Variants in DCAF6 observed in about 807,000 individuals in gnomAD.
The protein encoded by DCAF6 is DDB1- and CUL4-associated factor 6.
DCAF6 carries 54 observed loss-of-function variants against 125.1 expected under a neutral mutation model. The observed-to-expected ratio is 0.43, with a 90% CI of 0.35 to 0.54. The LOEUF is 0.54. Ranked by LOEUF, DCAF6 falls within the 20% of genes least tolerant of loss-of-function variation. The pLI, the probability that DCAF6 is intolerant of heterozygous loss-of-function variation, is 0.01. For missense variants in DCAF6, 934 were observed against 1,161.7 expected (o/e 0.80, Z 2.85); for synonymous variants, 371 against 390.4 (o/e 0.95, Z 0.58).
At chr1:168,058,848 G>A (rs1253261182) in intron 17 of DCAF6, among the ~76,000 whole-genome samples, 1 of 152,142 alleles carries the variant, frequency 6.6e-6, no homozygotes, top group Non-Finnish European at 1.5e-5. Context: ...GGAATTACAG[G>A]CATGAGCCAC....
the DCAF6 span, among the ~76,000 whole-genome samples, chr1:167,890,954 T>C: frequency 6.6e-6 from 1 of 152,048 alleles, no homozygotes; most frequent in South Asian, 2.1e-4. Flanking sequence ...CATTTATTTA[T>C]TTATTTAGTT....
At chr1:168,033,021 T>C (rs1687300392) in intron 12 of DCAF6, among the ~76,000 whole-genome samples, 1 of 151,896 alleles carries the variant, frequency 6.6e-6, no homozygotes, top group Non-Finnish European at 1.5e-5. Context: ...TTTTTTTTTT[T>C]ACTATGGTTA....
intron 2 of DCAF6, among the ~76,000 whole-genome samples, chr1:167,955,347 G>A (rs1207732108): frequency 6.6e-6 from 1 of 152,088 alleles, no homozygotes; most frequent in African/African-American, 2.4e-5. Context: ...TAAGAAACCA[G>A]TTGTTTTCCA....
At chr1:167,904,098 T>A in the DCAF6 span, 1 of 698,816 alleles carries the variant, frequency 1.4e-6, no homozygotes, top group South Asian at 1.7e-5. Flanking sequence ...TTTTTTTTTT[T>A]TTTTTTTGAG....
chr1:168,012,208 C>G (rs1188879753), intron 10 of DCAF6, among the ~76,000 whole-genome samples: 1 of 152,146 alleles, frequency 6.6e-6, no homozygotes, highest in Non-Finnish European at 1.5e-5. Context: ...GATCCAGAGT[C>G]CAGGACAAAA....
chr1:167,938,740 A>G (rs1300863231), intron 1 of DCAF6, among the ~76,000 whole-genome samples: 4 of 152,210 alleles, frequency 2.6e-5, no homozygotes, highest in Non-Finnish European at 4.4e-5. Flanking sequence ...GTACTTGTAT[A>G]TAGTTCTATA....
At position 168,069,226 on chromosome 1, in the gene DCAF6, T is replaced by C. The variant is rs554872540; in HGVS notation, c.2791+763T>C. Among the ~76,000 whole-genome samples, 26 of 152,338 alleles carry C rather than the reference T, an allele frequency of 1.7e-4. No homozygotes were observed. The South Asian group carries it at 5.4e-3, about 32-fold the overall frequency. On this transcript the variant is annotated intron_variant, in intron 21 of 21. Coordinates refer to ENST00000367840, the MANE Select transcript of DCAF6 (RefSeq NM_001198956.2). ...ACTGATAAATATTAAAGCCAGAATT[T>C]GAAATTAGCTTCCAAGCCCTTACTC...
chr1:168,065,151 T>A (rs902035592), intron 18 of DCAF6, among the ~76,000 whole-genome samples: 1 of 152,218 alleles, frequency 6.6e-6, no homozygotes, highest in Admixed American at 6.5e-5. Flanking sequence ...AGTTAATAAT[T>A]AAGCACCTAT....
At chr1:167,965,892 C>T (rs1445154111) in intron 2 of DCAF6, among the ~76,000 whole-genome samples, 1 of 152,188 alleles carries the variant, frequency 6.6e-6, no homozygotes, top group Non-Finnish European at 1.5e-5. Flanking sequence ...GCTTTGGCCT[C>T]CCAAAGTGCT....
chr1:167,911,969 A>G, the DCAF6 span, among the ~76,000 whole-genome samples: 1 of 152,244 alleles, frequency 6.6e-6, no homozygotes. Context: ...ATAGGTTTAA[A>G]AGGCAGGGAG....
At chr1:167,986,884 A>G (rs568814582) in intron 4 of DCAF6, among the ~76,000 whole-genome samples, 1 of 152,240 alleles carries the variant, frequency 6.6e-6, no homozygotes, top group African/African-American at 2.4e-5. Context: ...AGAAGTGGAT[A>G]CAGGCATATC....
upstream of DCAF6, among the ~76,000 whole-genome samples, chr1:167,934,786 T>C (rs1261860010): frequency 2.6e-5 from 4 of 152,218 alleles, no homozygotes; most frequent in African/African-American, 9.6e-5. Flanking sequence ...CATTTTCTAG[T>C]TTGCCAAGTC....
At chr1:167,925,456 T>TATAA in the DCAF6 span, among the ~76,000 whole-genome samples, 3 of 111,884 alleles carry the variant, frequency 2.7e-5, no homozygotes, top group South Asian at 7.7e-4. Context: ...TATATATATA[T>TATAA]ATATATATAT....
the DCAF6 span, among the ~76,000 whole-genome samples, chr1:167,894,966 T>G: frequency 6.6e-6 from 1 of 152,004 alleles, no homozygotes; most frequent in East Asian, 1.9e-4. Flanking sequence ...AGGCGGATCA[T>G]GAGGTCAAGA....
chr1:167,946,291 TC>T (rs1673081585), intron 1 of DCAF6, among the ~76,000 whole-genome samples: 1 of 152,140 alleles, frequency 6.6e-6, no homozygotes. Flanking sequence ...TTTAGGTTTT[TC>T]TAGATATAAG....
the DCAF6 span, among the ~76,000 whole-genome samples, chr1:167,869,509 T>C: frequency 6.6e-6 from 1 of 152,180 alleles, no homozygotes; most frequent in Non-Finnish European, 1.5e-5. Flanking sequence ...TAAAGGCAGG[T>C]AGCCCGGCGC....
intron 21 of DCAF6, among the ~76,000 whole-genome samples, chr1:168,071,670 C>G (rs1693053984): frequency 6.6e-6 from 1 of 152,044 alleles, no homozygotes; most frequent in Non-Finnish European, 1.5e-5. Context: ...CTGTATTTGC[C>G]TATGGGCTAT....
the DCAF6 span, among the ~76,000 whole-genome samples, chr1:167,864,791 G>A: frequency 3.3e-5 from 5 of 151,804 alleles, no homozygotes; most frequent in South Asian, 2.1e-4. Context: ...AAACAAGGGC[G>A]TATCCCGAAA....
At chr1:167,937,648 A>G (rs1204160923) in intron 1 of DCAF6, among the ~76,000 whole-genome samples, 1 of 152,196 alleles carries the variant, frequency 6.6e-6, no homozygotes, top group Non-Finnish European at 1.5e-5. Context: ...CCACCCCTGG[A>G]AAACACACTT....
Sources: gnomAD v4.1 joint callset for allele counts (sites outside exome capture counted in the v4.1 genomes callset) on GRCh38, gnomAD v4.1.1 for gene constraint, MANE v1.5 for transcripts, NCBI Gene and HGNC (gene_info 2026-07-23, HGNC 2026-07-21) for gene names.